Variants in ACBD5 observed in about 807,000 individuals in gnomAD.
The protein encoded by ACBD5 is acyl-CoA-binding domain-containing protein 5.
Under a neutral mutation model 71.8 loss-of-function variants are expected in ACBD5, and 40 were observed. The observed-to-expected ratio is 0.56, with a 90% CI of 0.43 to 0.72. The LOEUF (loss-of-function observed/expected upper bound fraction) is 0.72, where lower values mean the gene tolerates loss of function less well. ACBD5 is among the 30% of genes least tolerant of loss of function. The pLI is 0.00. For synonymous variants in ACBD5, 229 were observed against 218.6 expected (o/e 1.05, Z -0.42); for missense variants, 559 against 644.5 (o/e 0.87, Z 1.44).
At chr10:27,234,572 C>G (rs980371134) in intron 3 of ACBD5, among the ~76,000 whole-genome samples, 1 of 151,724 alleles carries the variant, frequency 6.6e-6, no homozygotes, top group Non-Finnish European at 1.5e-5. Context: ...ATGCACCTAT[C>G]CCTTTTGGTT....
intron 12 of ACBD5, among the ~76,000 whole-genome samples, chr10:27,202,269 C>CTAT (rs1321821990): frequency 6.6e-6 from 1 of 152,208 alleles, no homozygotes; most frequent in African/African-American, 2.4e-5. Context: ...CACAGTTAAT[C>CTAT]TATTACATAT....
intron 8 of ACBD5, among the ~76,000 whole-genome samples, chr10:27,214,035 G>A (rs2061378140): frequency 6.6e-6 from 1 of 152,160 alleles, no homozygotes; most frequent in South Asian, 2.1e-4. Flanking sequence ...GGAATTGGAA[G>A]ATATTATGTT....
chr10:27,189,221 ATTG>A (rs1394024758), intron 13 of ACBD5, among the ~76,000 whole-genome samples: 1 of 152,156 alleles, frequency 6.6e-6, no homozygotes, highest in Admixed American at 6.5e-5. Flanking sequence ...CTACAAATGT[ATTG>A]TTCTTTGTTG....
chr10:27,199,521 A>T (rs1338609574), intron 12 of ACBD5, among the ~76,000 whole-genome samples: 1 of 152,208 alleles, frequency 6.6e-6, no homozygotes, highest in Non-Finnish European at 1.5e-5. Context: ...AGGAAACAAC[A>T]GATAAGGGAA....
chr10:27,188,852 C>T (rs750610057), intron 13 of ACBD5, among the ~76,000 whole-genome samples: 2 of 152,112 alleles, frequency 1.3e-5, no homozygotes, highest in African/African-American at 2.4e-5. Context: ...TGTGCATGCA[C>T]GTCTTTAAAA....
intron 6 of ACBD5, among the ~76,000 whole-genome samples, chr10:27,219,235 C>T (rs117437477): frequency 0.025 from 3,740 of 151,512 alleles, 68 homozygotes; most frequent in Non-Finnish European, 0.04. Context: ...CTGCAGAGGG[C>T]GGCAGAGGCT....
At position 27,218,065 on chromosome 10, in the gene ACBD5, GGAA is replaced by G; in HGVS notation, c.741_743del (p.Ser248del). On this transcript the variant is annotated inframe_deletion, in exon 7 of 13. Coordinates refer to ENST00000396271, the MANE Select transcript of ACBD5 (RefSeq NM_145698.5). ...CTTCTTCAGTGCTTCTGCCATTCAG[GGAA>G]GAACTGGCATGAATGTCATTCTGTA... 1 of 1,614,068 alleles carries G rather than the reference GGAA, an allele frequency of 6.2e-7. No individual in the cohort carries two copies. Among genetic ancestry groups the G allele is most frequent in the African/African-American group, 1.3e-5 (1 of 75,020 alleles).
At chr10:27,208,869 T>A (rs566142396) in intron 9 of ACBD5, among the ~76,000 whole-genome samples, 1 of 152,026 alleles carries the variant, frequency 6.6e-6, no homozygotes, top group Middle Eastern at 3.4e-3. Flanking sequence ...CAACGTGGAG[T>A]AGAAGCAGTC....
At chr10:27,183,753 T>C (rs2058465191) in intron 13 of ACBD5, among the ~76,000 whole-genome samples, 1 of 152,086 alleles carries the variant, frequency 6.6e-6, no homozygotes, top group Non-Finnish European at 1.5e-5. Context: ...GATCTGGGTC[T>C]GTCGCCCAGG....
intron 13 of ACBD5, among the ~76,000 whole-genome samples, chr10:27,188,415 G>A (rs2058903454): frequency 1.3e-5 from 2 of 152,182 alleles, no homozygotes; most frequent in Non-Finnish European, 2.9e-5. Flanking sequence ...CCTCTGGCAG[G>A]TTAAACTGAG....
In ACBD5 at chr10:27,196,048, CA is replaced by C. The variant is rs1455445376; in HGVS notation, c.*1381del. 4 of 413,196 alleles carry C rather than the reference CA, an allele frequency of 9.7e-6. No individual in the cohort carries two copies. The highest frequency in any genetic ancestry group is 7.1e-5 in the South Asian group (4 of 56,558). 25.6% of individuals were successfully genotyped at this position (413,196 alleles called of 1,614,324 possible). A position where few individuals can be genotyped will look rare whatever the true frequency, so the allele number is the denominator to read the frequency against. ...AGAAACCCCGTCTCTACTAAAAATA[CA>C]AAATTAGCCAGGCATGGTGGTGCAT... is the stretch of plus-strand genomic sequence containing the variant. On this transcript the variant is annotated 3_prime_UTR_variant, in exon 13 of 13. Coordinates refer to ENST00000396271, the MANE Select transcript of ACBD5 (RefSeq NM_145698.5).
In ACBD5 at chr10:27,226,094, T is replaced by C. The variant is rs536425352; in HGVS notation, c.376-2642A>G. Among the ~76,000 whole-genome samples the C allele has an allele frequency of 4.6e-5, 7 of 152,278 alleles. No individual in the cohort carries two copies. In the South Asian group the frequency reaches 6.2e-4, roughly 14 times the overall value. On this transcript the variant is annotated intron_variant, in intron 4 of 12. Coordinates refer to ENST00000396271, the MANE Select transcript of ACBD5 (RefSeq NM_145698.5). ...CAAACCAGAATTTCAGTAGTTAATA[T>C]AGTGAAGACACAGTAGCCAAAACAA...
At chr10:27,230,980 G>A (rs374459009) in intron 4 of ACBD5, among the ~76,000 whole-genome samples, 1 of 152,102 alleles carries the variant, frequency 6.6e-6, no homozygotes, top group East Asian at 1.9e-4. Context: ...AAGGATCTAT[G>A]TACTCACAGA....
rs180690383 is a variant in ACBD5 at position 27,213,697 on chromosome 10, C to T, written c.936+1838G>A. 4.6e-5 allele frequency among the ~76,000 whole-genome samples: 7 copies of T among 151,938 alleles called. No individual in the cohort carries two copies. In the East Asian group the frequency reaches 1.4e-3, roughly 29 times the overall value. On this transcript the variant is annotated intron_variant, in intron 8 of 12. Coordinates refer to ENST00000396271, the MANE Select transcript of ACBD5 (RefSeq NM_145698.5). ...ACTTGAACCCAGGAGGCGGAGGTTG[C>T]AGTGAGCCAAGATCATCCCATTGCA...
intron 2 of ACBD5, among the ~76,000 whole-genome samples, chr10:27,239,912 A>G (rs2065251002): frequency 6.6e-6 from 1 of 152,014 alleles, no homozygotes; most frequent in African/African-American, 2.4e-5. Flanking sequence ...AAGCCTGGCT[A>G]ATTTTCGTAT....
chr10:27,195,875 A>G lies in ACBD5; in HGVS notation c.*1555T>C. ...AAACACTGTGAACATATGATGTTAA[A>G]CCCAACATCATACATCTTGAGAATG... is the stretch of plus-strand genomic sequence containing the variant. On this transcript the variant is annotated 3_prime_UTR_variant, in exon 13 of 13. Coordinates refer to ENST00000396271, the MANE Select transcript of ACBD5 (RefSeq NM_145698.5). 2.2e-6 allele frequency: 1 copy of G among 453,616 alleles called. No homozygotes were observed. Among genetic ancestry groups the G allele is most frequent in the South Asian group, 1.6e-5 (1 of 64,348 alleles). 28.1% of individuals were successfully genotyped at this position (453,616 alleles called of 1,614,324 possible). A position where few individuals can be genotyped will look rare whatever the true frequency, so the allele number is the denominator to read the frequency against.
At chr10:27,189,756 A>C (rs2058996654) in intron 13 of ACBD5, among the ~76,000 whole-genome samples, 1 of 108,514 alleles carries the variant, frequency 9.2e-6, no homozygotes, top group Non-Finnish European at 1.9e-5. Flanking sequence ...CCTAGAACTT[A>C]AAGTATAATA....
At chr10:27,233,804 G>A (rs953138973) in intron 3 of ACBD5, among the ~76,000 whole-genome samples, 2 of 152,192 alleles carry the variant, frequency 1.3e-5, no homozygotes, top group African/African-American at 2.4e-5. Flanking sequence ...CACCACTTTG[G>A]GAGGCCGAGG....
chr10:27,189,094 A>G (rs2136327200), intron 13 of ACBD5, among the ~76,000 whole-genome samples: 1 of 152,378 alleles, frequency 6.6e-6, no homozygotes, highest in South Asian at 2.1e-4. Context: ...GGACAGCACC[A>G]GAGGAATTGG....
Sources: gnomAD v4.1 joint callset for allele counts (sites outside exome capture counted in the v4.1 genomes callset) on GRCh38, gnomAD v4.1.1 for gene constraint, MANE v1.5 for transcripts, NCBI Gene and HGNC (gene_info 2026-07-23, HGNC 2026-07-21) for gene names.